The following HCRTR2 variants were observed in gnomAD, a reference collection of about 807,000 sequenced individuals.
HCRTR2 encodes hypocretin receptor 2.
Under a neutral mutation model 49.0 loss-of-function variants are expected in HCRTR2, and 22 were observed. The observed-to-expected ratio is 0.45, with a 90% CI of 0.32 to 0.64. The LOEUF is 0.64. HCRTR2 is among the 30% of genes least tolerant of loss of function. The pLI, the probability that HCRTR2 is intolerant of heterozygous loss-of-function variation, is 0.04. For missense variants in HCRTR2, 491 were observed against 559.4 expected (o/e 0.88, Z 1.23); for synonymous variants, 236 against 205.3 (o/e 1.15, Z -1.28).
At chr6:55,195,688 A>G (rs1765396084) in intron 1 of HCRTR2, among the ~76,000 whole-genome samples, 1 of 151,966 alleles carries the variant, frequency 6.6e-6, no homozygotes, top group Admixed American at 6.6e-5. Context: ...AACAGTATTC[A>G]TGGCCGGGCG....
chr6:55,222,962 A>G (rs934559510), intron 1 of HCRTR2, among the ~76,000 whole-genome samples: 1 of 152,222 alleles, frequency 6.6e-6, no homozygotes, highest in Non-Finnish European at 1.5e-5. Context: ...GCAAGTTGCT[A>G]AAGAATTTGC....
intron 1 of HCRTR2, among the ~76,000 whole-genome samples, chr6:55,161,519 C>G (rs1314820877): frequency 2.0e-5 from 3 of 151,998 alleles, no homozygotes; most frequent in African/African-American, 7.2e-5. Context: ...ACGAAAAACC[C>G]TTCATAAATC....
intron 4 of HCRTR2, among the ~76,000 whole-genome samples, chr6:55,276,438 C>T (rs1329404332): frequency 1.3e-5 from 2 of 152,132 alleles, no homozygotes; most frequent in Non-Finnish European, 2.9e-5. Context: ...ACACATTGGT[C>T]AGTACTGGTT....
chr6:55,233,071 AT>A (rs957783982), intron 1 of HCRTR2, among the ~76,000 whole-genome samples: 13 of 151,074 alleles, frequency 8.6e-5, no homozygotes, highest in African/African-American at 2.9e-4. Flanking sequence ...CAAAAAATGG[AT>A]TTTTGAAAAA....
Position 55,269,462 on chromosome 6 carries a change from C to T in HCRTR2, c.762+5640C>T, listed in dbSNP as rs552436497. ...TGATATTTTATATAGAAAATCCTAA[C>T]GAATTATTTTGCAAAAAAATACATT... On this transcript the variant is annotated intron_variant, in intron 4 of 6. Coordinates refer to ENST00000370862, the MANE Select transcript of HCRTR2 (RefSeq NM_001384272.1). 3.3e-5 allele frequency among the ~76,000 whole-genome samples: 5 copies of T among 152,078 alleles called. No homozygotes were observed. In the East Asian group the frequency reaches 5.8e-4, roughly 18 times the overall value.
intron 1 of HCRTR2, among the ~76,000 whole-genome samples, chr6:55,237,848 G>C (rs1225744051): frequency 1.3e-5 from 2 of 152,178 alleles, no homozygotes; most frequent in Non-Finnish European, 2.9e-5. Flanking sequence ...GTACTTCAGA[G>C]AACAATTGGC....
chr6:55,135,139 ACT>A (rs916985987), intron 1 of HCRTR2, among the ~76,000 whole-genome samples: 1 of 151,964 alleles, frequency 6.6e-6, no homozygotes, highest in Non-Finnish European at 1.5e-5. Flanking sequence ...AATGGTAAAG[ACT>A]CTACTGTAAA....
chr6:55,134,163 A>T (rs995189900), intron 1 of HCRTR2, among the ~76,000 whole-genome samples: 1 of 151,886 alleles, frequency 6.6e-6, no homozygotes. Flanking sequence ...AGTGAATTTC[A>T]TAAGTTGGGT....
intron 1 of HCRTR2, among the ~76,000 whole-genome samples, chr6:55,227,249 G>T (rs1766026475): frequency 6.6e-6 from 1 of 152,086 alleles, no homozygotes; most frequent in Non-Finnish European, 1.5e-5. Flanking sequence ...TATTGATTGA[G>T]AATTAGTCAT....
downstream of HCRTR2, among the ~76,000 whole-genome samples, chr6:55,283,191 A>G (rs1362880078): frequency 3.3e-5 from 5 of 152,208 alleles, no homozygotes; most frequent in Non-Finnish European, 7.3e-5. Context: ...AACAACAAAA[A>G]GTGATATAGT....
chr6:55,146,579 TA>T (rs10684393), intron 1 of HCRTR2, among the ~76,000 whole-genome samples: 79 of 142,322 alleles, frequency 5.6e-4, no homozygotes, highest in East Asian at 1.0e-3. Flanking sequence ...AAAGGTTAGT[TA>T]AAAAAAAAAA....
At chr6:55,146,992 T>C (rs9370389) in intron 1 of HCRTR2, among the ~76,000 whole-genome samples, 3,304 of 152,276 alleles carry the variant, frequency 0.022, 45 homozygotes, top group African/African-American at 0.04. Context: ...TTAATTGGTA[T>C]GGGATGCTAC....
At chr6:55,170,704 G>A (rs1764936605), upstream of HCRTR2, among the ~76,000 whole-genome samples, 1 of 149,106 alleles carries the variant, frequency 6.7e-6, no homozygotes, top group Non-Finnish European at 1.5e-5. Context: ...ATTTACATTA[G>A]GTATATCTCC....
At chr6:55,165,457 A>G (rs1408416647) in intron 1 of HCRTR2, among the ~76,000 whole-genome samples, 2 of 152,026 alleles carry the variant, frequency 1.3e-5, no homozygotes, top group African/African-American at 2.4e-5. Flanking sequence ...TTCTTGTGTC[A>G]TATACATAAA....
rs764241978 is a variant in HCRTR2, at chr6:55,280,389, C to T, written c.1050C>T (p.His350=). ...ETVYAWFTFS[H]WLVYANSAAN... is the part of the protein sequence containing the mutation. ...TGTATGCCTGGTTTACCTTTTCACA[C>T]TGGCTTGTATATGCCAATAGTGCTG... The change falls in exon 6 of 7, where the codon CAC becomes CAT. Residue 350 remains histidine, a synonymous_variant. Transcript: ENST00000370862. 2 of 1,612,906 alleles carry T rather than the reference C, an allele frequency of 1.2e-6. No homozygotes were observed. Among genetic ancestry groups the T allele is most frequent in the South Asian group, 2.2e-5 (2 of 91,068 alleles).
At chr6:55,233,186 T>C (rs1766148844) in intron 1 of HCRTR2, among the ~76,000 whole-genome samples, 1 of 152,032 alleles carries the variant, frequency 6.6e-6, no homozygotes, top group Non-Finnish European at 1.5e-5. Flanking sequence ...CCTCTCGGAT[T>C]CTAGTGATTC....
At chr6:55,123,203 G>T (rs1451957364) in intron 1 of HCRTR2, among the ~76,000 whole-genome samples, 2 of 151,962 alleles carry the variant, frequency 1.3e-5, no homozygotes, top group South Asian at 2.1e-4. Flanking sequence ...CTTATCTTGT[G>T]CTGGTTTTCA....
At chr6:55,162,211 A>G (rs947656432) in intron 1 of HCRTR2, among the ~76,000 whole-genome samples, 4 of 152,234 alleles carry the variant, frequency 2.6e-5, no homozygotes, top group Non-Finnish European at 5.9e-5. Flanking sequence ...GTAATTCATC[A>G]CAAAAACAGA....
Position 55,174,585 on chromosome 6 carries a change from G to C in HCRTR2, c.-3G>C, listed in dbSNP as rs1359700003. On this transcript the variant is annotated 5_prime_UTR_variant, in exon 1 of 7. Transcript: ENST00000370862. Reference sequence around the variant, plus strand: ...ATTGAGCGGAACCGGACTTGAGCCCGTGATGTCCGGCACCAAATTGGAGGA... The same window carrying C: ...ATTGAGCGGAACCGGACTTGAGCCCCTGATGTCCGGCACCAAATTGGAGGA... The C allele has an allele frequency of 6.2e-7, 1 of 1,612,718 alleles. No homozygotes were observed. Among genetic ancestry groups the C allele is most frequent in the Admixed American group, 1.7e-5 (1 of 59,998 alleles).
Sources: allele counts gnomAD v4.1 joint callset (sites outside exome capture counted in the v4.1 genomes callset), GRCh38; gene constraint gnomAD v4.1.1; transcripts MANE v1.5; gene names NCBI Gene and HGNC (gene_info 2026-07-23, HGNC 2026-07-21).